Variants in METTL25 observed in about 807,000 individuals in gnomAD.
METTL25 encodes the protein probable methyltransferase-like protein 25.
METTL25 carries 64 observed loss-of-function variants against 71.6 expected under a neutral mutation model. That is an observed-to-expected ratio of 0.89 (90% confidence interval 0.73 to 1.10). The LOEUF is 1.10. METTL25 is among the 50% of genes least tolerant of loss of function. METTL25 has a pLI of 0.00. For synonymous variants in METTL25, 287 were observed against 250.3 expected (o/e 1.15, Z -1.38); for missense variants, 807 against 707.0 (o/e 1.14, Z -1.60).
At chr12:82,387,342 A>T (rs1325226513) in intron 2 of METTL25, among the ~76,000 whole-genome samples, 5 of 151,990 alleles carry the variant, frequency 3.3e-5, no homozygotes, top group Non-Finnish European at 7.4e-5. Flanking sequence ...ACATTTGGGG[A>T]TGTGGGGAGA....
intron 5 of METTL25, among the ~76,000 whole-genome samples, chr12:82,409,897 G>C (rs1257959025): frequency 6.6e-6 from 1 of 152,008 alleles, no homozygotes; most frequent in African/African-American, 2.4e-5. Flanking sequence ...CCATTTCTGT[G>C]TCAAACAGAA....
chr12:82,405,345 G>C (rs1244092622), intron 5 of METTL25, among the ~76,000 whole-genome samples: 1 of 152,076 alleles, frequency 6.6e-6, no homozygotes, highest in African/African-American at 2.4e-5. Flanking sequence ...AATTTGTTGC[G>C]TTGCTGTGGA....
At chr12:82,407,292 G>T (rs1887178404) in intron 5 of METTL25, among the ~76,000 whole-genome samples, 1 of 152,078 alleles carries the variant, frequency 6.6e-6, no homozygotes, top group Non-Finnish European at 1.5e-5. Context: ...CTTGTATCCT[G>T]CCTGGGTAAA....
At chr12:82,418,230 TCTGGATATAA>T (rs1021090732) in intron 5 of METTL25, among the ~76,000 whole-genome samples, 1 of 152,156 alleles carries the variant, frequency 6.6e-6, no homozygotes, top group African/African-American at 2.4e-5. Context: ...CATTTATTGA[TCTGGATATAA>T]CTGCAGAAAG....
chr12:82,446,957 C>T (rs1348295834), intron 8 of METTL25, among the ~76,000 whole-genome samples: 1 of 151,974 alleles, frequency 6.6e-6, no homozygotes, highest in African/African-American at 2.4e-5. Context: ...GACAACATAC[C>T]AGACTGTATA....
At chr12:82,395,930 C>G (rs1886034585) in intron 3 of METTL25, among the ~76,000 whole-genome samples, 1 of 152,048 alleles carries the variant, frequency 6.6e-6, no homozygotes, top group Non-Finnish European at 1.5e-5. Flanking sequence ...ATGGTATCTG[C>G]AGTTAGACTG....
rs140168290 is a variant in METTL25 at position 82,398,525 on chromosome 12, C to A, written c.532-270C>A. The stretch of plus-strand genomic sequence containing the variant: ...TCTTTAAGATATTCTGCAGACATGA[C>A]TATGTCATCTATGTACAAAAAAGAC... On this transcript the variant is annotated intron_variant, in intron 3 of 11. Transcript: ENST00000248306. Among the ~76,000 whole-genome samples the A allele has an allele frequency of 4.6e-5, 7 of 152,076 alleles. No homozygotes were observed. In the East Asian group the frequency reaches 1.3e-3, roughly 29 times the overall value.
Position 82,478,936 on chromosome 12 carries a change from A to G in METTL25, c.1724A>G (p.Asp575Gly), listed in dbSNP as rs781581542. 1.2e-6 allele frequency: 2 copies of G among 1,610,394 alleles called. No homozygotes were observed. Among genetic ancestry groups the G allele is most frequent in the Non-Finnish European group, 1.7e-6 (2 of 1,177,418 alleles). The change falls in exon 12 of 12, where the codon GAT (aspartate) becomes GGT (glycine). Residue 575 changes from aspartate (D) to glycine (G), a missense_variant. By Grantham distance (94) the Asp-to-Gly change is moderately conservative. Transcript: ENST00000248306. ...AAATCACTTATTAATTTACAGGAAG[A>G]TATTGCATGGTCTGCTCTTGTGAAG... is the stretch of plus-strand genomic sequence containing the variant. Reference protein sequence around the residue: ...DRLCYLKEQEDIAWSALVKLF... With the variant: ...DRLCYLKEQEGIAWSALVKLF...
At chr12:82,361,511 G>A (rs1486440735) in intron 1 of METTL25, among the ~76,000 whole-genome samples, 1 of 151,978 alleles carries the variant, frequency 6.6e-6, no homozygotes, top group African/African-American at 2.4e-5. Context: ...AGCCCACGGT[G>A]GGGGGGAGGG....
chr12:82,387,540 T>C (rs1885155615), intron 2 of METTL25, among the ~76,000 whole-genome samples: 1 of 151,780 alleles, frequency 6.6e-6, no homozygotes, highest in African/African-American at 2.4e-5. Flanking sequence ...TACACAAACC[T>C]CTTTCATATC....
intron 5 of METTL25, among the ~76,000 whole-genome samples, chr12:82,430,121 TA>T (rs1263324142): frequency 4.6e-5 from 7 of 150,946 alleles, no homozygotes; most frequent in African/African-American, 1.7e-4. Context: ...GACTTTTTTT[TA>T]ATTGTCACTG....
At chr12:82,383,595 G>C (rs1303403292) in intron 1 of METTL25, among the ~76,000 whole-genome samples, 4 of 152,136 alleles carry the variant, frequency 2.6e-5, no homozygotes, top group Non-Finnish European at 4.4e-5. Context: ...TATACATACA[G>C]TAAATGTTAG....
At chr12:82,446,405 G>T (rs908007878) in intron 8 of METTL25, among the ~76,000 whole-genome samples, 2 of 151,874 alleles carry the variant, frequency 1.3e-5, no homozygotes, top group Admixed American at 6.6e-5. Flanking sequence ...CATTACCCAG[G>T]ATCATATGTT....
chr12:82,450,904 C>G (rs1202038311), intron 8 of METTL25, among the ~76,000 whole-genome samples: 7 of 152,092 alleles, frequency 4.6e-5, no homozygotes, highest in Admixed American at 3.9e-4. Flanking sequence ...TATTTACCAT[C>G]ACTCCTCTCT....
At chr12:82,396,853 A>G (rs141438134) in intron 3 of METTL25, among the ~76,000 whole-genome samples, 1 of 152,218 alleles carries the variant, frequency 6.6e-6, no homozygotes, top group African/African-American at 2.4e-5. Flanking sequence ...TAGTATGTAG[A>G]CTTTTCATTT....
intron 9 of METTL25, among the ~76,000 whole-genome samples, chr12:82,470,100 A>G (rs564273275): frequency 1.3e-5 from 2 of 152,314 alleles, no homozygotes; most frequent in African/African-American, 4.8e-5. Context: ...AATGACTTCT[A>G]TCTTGGCCAC....
chr12:82,371,584 C>T (rs547774067), intron 1 of METTL25, among the ~76,000 whole-genome samples: 24 of 152,116 alleles, frequency 1.6e-4, no homozygotes, highest in Non-Finnish European at 2.9e-4. Flanking sequence ...TTTTCCTTTT[C>T]GGACTGTTCC....
At chr12:82,430,202 A>G (rs1178591800) in intron 5 of METTL25, among the ~76,000 whole-genome samples, 1 of 151,194 alleles carries the variant, frequency 6.6e-6, no homozygotes, top group African/African-American at 2.4e-5. Context: ...CTTTTCAAAA[A>G]CCCTGTGGAA....
chr12:82,458,049 A>C (rs1374072539), intron 9 of METTL25, among the ~76,000 whole-genome samples: 5 of 152,098 alleles, frequency 3.3e-5, no homozygotes, highest in Admixed American at 3.3e-4. Context: ...AGTTTTACTT[A>C]AACTTAATAA....
Sources: gnomAD v4.1 joint callset for allele counts (sites outside exome capture counted in the v4.1 genomes callset) on GRCh38, gnomAD v4.1.1 for gene constraint, MANE v1.5 for transcripts, NCBI Gene and HGNC (gene_info 2026-07-23, HGNC 2026-07-21) for gene names.